ZNF839: variants seen among roughly 807,000 people sequenced by gnomAD.
The protein encoded by ZNF839 is renal carcinoma antigen NY-REN-50.
ZNF839 carries 38 observed loss-of-function variants against 56.4 expected under a neutral mutation model. The observed-to-expected ratio is 0.67, with a 90% CI of 0.52 to 0.88. ZNF839 has a LOEUF of 0.88. ZNF839 is among the 40% of genes least tolerant of loss of function. The pLI, the probability that ZNF839 is intolerant of heterozygous loss-of-function variation, is 0.00. For synonymous variants in ZNF839, 486 were observed against 493.5 expected, an observed-to-expected ratio of 0.98 and a Z score of 0.20; for missense variants, 1,091 against 1,177.6, an observed-to-expected ratio of 0.93 and a Z score of 1.08.
chr14:102,319,580 T>C, upstream of ZNF839: 1 of 746,712 alleles, frequency 1.3e-6, no homozygotes, highest in Non-Finnish European at 1.8e-6. The surrounding 1 kb of genome is among the most constrained non-coding windows in gnomAD (Gnocchi z 4.5). Context: ...GCTCTGCTGA[T>C]CAGCCCTAAG....
intron 3 of ZNF839, among the ~76,000 whole-genome samples, chr14:102,333,957 A>G (rs981493471): frequency 2.0e-5 from 3 of 152,080 alleles, no homozygotes; most frequent in South Asian, 2.1e-4. Context: ...CTGGAGGGCT[A>G]TGCTCTCCCC....
intron 3 of ZNF839, among the ~76,000 whole-genome samples, chr14:102,333,261 CTTTTT>C (rs58231229): frequency 2.4e-5 from 3 of 125,332 alleles, no homozygotes; most frequent in Non-Finnish European, 1.6e-5. Flanking sequence ...AAATGCCAAT[CTTTTT>C]TTTTTTTTTT....
chr14:102,331,578 G>A (rs1247786303), intron 2 of ZNF839, 44 bp from the exon 3 acceptor site: 8 of 1,525,848 alleles, frequency 5.2e-6, no homozygotes, highest in African/African-American at 1.4e-5. Context: ...GGTATATAAA[G>A]CATGATTGTT....
chr14:102,328,375 A>AAAATATATAT (rs1197718891), intron 2 of ZNF839, among the ~76,000 whole-genome samples: 13 of 16,312 alleles, frequency 8.0e-4, no homozygotes, highest in South Asian at 5.7e-3. Context: ...AAAAAAAAAA[A>AAAATATATAT]ATATATATAT....
intron 7 of ZNF839, 37 bp from the exon 8 acceptor site, chr14:102,341,286 G>C: frequency 6.6e-7 from 1 of 1,512,882 alleles, no homozygotes; most frequent in Non-Finnish European, 8.8e-7. Flanking sequence ...CCATGACACA[G>C]TACACGCCAT....
chr14:102,333,931 C>A (rs543673426), intron 3 of ZNF839, among the ~76,000 whole-genome samples: 2 of 152,344 alleles, frequency 1.3e-5, no homozygotes, highest in South Asian at 4.1e-4. Context: ...CTCCCCATGT[C>A]CTGTGGTCGC....
Position 102,319,792 on chromosome 14 carries a change from G to C in ZNF839, c.27G>C (p.Gly9=). MADAEPEA[G]GGSEDGGGGG... ...TGGCGGATGCGGAGCCGGAGGCTGGGGGCGGCAGCGAGGATGGCGGCGGCG... is the reference window on the plus strand; with the variant it reads ...TGGCGGATGCGGAGCCGGAGGCTGGCGGCGGCAGCGAGGATGGCGGCGGCG... The change falls in exon 1 of 8, where the codon GGG becomes GGC. Residue 9 remains glycine, a synonymous_variant. Transcript: ENST00000442396. The surrounding 1 kb of genome is among the most constrained non-coding windows in gnomAD (Gnocchi z 4.5). 1 of 1,232,608 alleles carries C rather than the reference G, an allele frequency of 8.1e-7. No homozygotes were observed. Among genetic ancestry groups the C allele is most frequent in the Non-Finnish European group, 1.0e-6 (1 of 988,466 alleles). 76.4% of individuals were successfully genotyped at this position (1,232,608 alleles called of 1,614,324 possible).
In ZNF839 at chr14:102,341,380, C is replaced by T. The variant is rs187162307; in HGVS notation, c.1985C>T (p.Thr662Met). 53 of 1,547,428 alleles carry T rather than the reference C, an allele frequency of 3.4e-5. No homozygotes were observed. Among genetic ancestry groups the T allele is most frequent in the Middle Eastern group, 3.5e-4 (2 of 5,740 alleles). Residue 662 changes from threonine (T) to methionine (M), a missense_variant, in exon 8 of 8, where the codon ACG becomes ATG. This residue lies in a region of ZNF839 where 431 missense variants were observed against 468.0 expected (regional missense o/e 0.92). Transcript: ENST00000442396. ...CCCCGTTCTGAAGAAAGCCATACAA[C>T]GACGGTTTCTGGTGGCAATGGGAGC... ...VSPRSEESHT[T>M]TVSGGNGSVF...
At chr14:102,319,685 T>G (rs527268068), upstream of ZNF839, 1,750 of 1,212,656 alleles carry the variant, frequency 1.4e-3, 1 homozygote, top group Non-Finnish European at 1.7e-3. This position sits in a 1 kb window ranked among gnomAD's most constrained non-coding sequence, Gnocchi z 4.5. Context: ...GAGGCACTCG[T>G]AGCCCGCCCC....
chr14:102,334,509 A>G (rs1210304333), intron 3 of ZNF839, 45 bp from the exon 4 acceptor site: 4 of 1,449,026 alleles, frequency 2.8e-6, no homozygotes, highest in African/African-American at 1.4e-5. Flanking sequence ...CTATTGGGAA[A>G]TTCTTACGGG....
chr14:102,317,933 G>A (rs72698579), upstream of ZNF839, among the ~76,000 whole-genome samples: 1 of 152,198 alleles, frequency 6.6e-6, no homozygotes, highest in Admixed American at 6.5e-5. Flanking sequence ...GGTTGTATAA[G>A]GTTGATGCCA....
chr14:102,337,568 T>C (rs1885927324), intron 5 of ZNF839: 2 of 152,206 alleles, frequency 1.3e-5, no homozygotes, highest in African/African-American at 4.8e-5. Flanking sequence ...TTTAAACTCT[T>C]GAGTTTAGCA....
intron 5 of ZNF839, among the ~76,000 whole-genome samples, chr14:102,338,539 GAAAA>G (rs954011615): frequency 1.2e-4 from 4 of 32,096 alleles, no homozygotes; most frequent in African/African-American, 3.2e-4. Context: ...CTCTGTCTCA[GAAAA>G]AAAAAAAAAA....
Position 102,319,870 on chromosome 14 carries a change from G to GC in ZNF839, c.106dup (p.Leu36ProfsTer133). 1 of 1,284,554 alleles carries GC rather than the reference G, an allele frequency of 7.8e-7. No homozygotes were observed. Among genetic ancestry groups the GC allele is most frequent in the East Asian group, 3.2e-5 (1 of 30,978 alleles). 79.6% of individuals were successfully genotyped at this position (1,284,554 alleles called of 1,614,324 possible). On this transcript the variant is annotated frameshift_variant, in exon 1 of 8. Transcript: ENST00000442396. LOFTEE classifies it high-confidence loss of function. This position sits in a 1 kb window ranked among gnomAD's most constrained non-coding sequence, Gnocchi z 4.5. ...GCGGCAGCGTCGCACGTGTGGCCCCGCTGGGCCCCGAGCAGCTGCGGCAGG... is the reference window on the plus strand; with the variant it reads ...GCGGCAGCGTCGCACGTGTGGCCCCGCCTGGGCCCCGAGCAGCTGCGGCAGG...
chr14:102,331,993 C>G, intron 3 of ZNF839, 147 bp downstream of exon 3: 1 of 687,252 alleles, frequency 1.5e-6, no homozygotes, highest in Non-Finnish European at 2.4e-6. Flanking sequence ...AATATCTGAA[C>G]TAATTCGTAC....
chr14:102,332,372 A>T lies in ZNF839; in HGVS notation c.1416+526A>T, dbSNP rs2073828171. On this transcript the variant is annotated intron_variant, in intron 3 of 7. Transcript: ENST00000442396. This position sits in a 1 kb window ranked among gnomAD's most constrained non-coding sequence, Gnocchi z 4.9. The stretch of plus-strand genomic sequence containing the variant: ...CTGGTCTCAAACTCCCGACCTCGTG[A>T]TCCACCCGCCTTGGCTTCCCAAAGT... Among the ~76,000 whole-genome samples the T allele has an allele frequency of 6.6e-6, 1 of 151,952 alleles. No homozygotes were observed.
rs1159890435 is a variant in ZNF839, at chr14:102,326,134, C to T, written c.438C>T (p.Ala146=). 1.2e-6 allele frequency: 2 copies of T among 1,613,934 alleles called. No individual in the cohort carries two copies. Among genetic ancestry groups the T allele is most frequent in the Non-Finnish European group, 8.5e-7 (1 of 1,179,860 alleles). Residue 146 remains alanine, a synonymous_variant, in exon 2 of 8, where the codon GCC becomes GCT. Transcript: ENST00000442396. This position sits in a 1 kb window ranked among gnomAD's most constrained non-coding sequence, Gnocchi z 4.3. ...CCTGCCTGGTGGGGCTCCATATCGC[C>T]AGCCCTCAGCTGCTCAGGGTACAGC... ...GNSCLVGLHI[A]SPQLLRVQPL... is the part of the protein sequence containing the mutation.
rs979957117 is a variant in ZNF839, at chr14:102,340,444, G to A, written c.1928-879G>A. On this transcript the variant is annotated intron_variant, in intron 7 of 7. Transcript: ENST00000442396. ...CCACCACCACATCTGGCTAATTTTT[G>A]TATTTTTAGTAGAGATAGGGTTTCC... Among the ~76,000 whole-genome samples the A allele has an allele frequency of 3.3e-5, 5 of 151,552 alleles. 1 individual carries two copies. The highest frequency in any genetic ancestry group is 3.3e-4 in the Admixed American group (5 of 15,204).
intron 1 of ZNF839, 32 bp from the exon 2 acceptor site, chr14:102,325,953 T>G (rs759863723): frequency 9.9e-5 from 158 of 1,597,600 alleles, no homozygotes; most frequent in East Asian, 4.0e-4. Context: ...GCACAATGCT[T>G]CTTTTCTCTT....
Sources: gnomAD v4.1 joint callset for allele counts (sites outside exome capture counted in the v4.1 genomes callset) on GRCh38, gnomAD v4.1.1 for gene constraint, gnomAD v4.1.1 regional missense constraint, Gnocchi (gnomAD v3.1) non-coding constraint, MANE v1.5 for transcripts, NCBI Gene and HGNC (gene_info 2026-07-23, HGNC 2026-07-21) for gene names.